AK5: variants seen among roughly 807,000 people sequenced by gnomAD.
The protein encoded by AK5 is adenylate kinase 5.
A neutral mutation model predicts 69.5 loss-of-function variants in AK5; 27 were observed. The ratio of observed to expected loss-of-function variants is 0.39; its 90% CI spans 0.29 to 0.54. The LOEUF is 0.54. Among genes scored for constraint, AK5 ranks in the 20% least tolerant of loss-of-function variants. The pLI, the probability that AK5 is intolerant of heterozygous loss-of-function variation, is 0.71. For missense variants in AK5, 531 were observed against 700.4 expected, an observed-to-expected ratio of 0.76 and a Z score of 2.73; for synonymous variants, 260 against 244.4, an observed-to-expected ratio of 1.06 and a Z score of -0.60.
chr1:77,292,657 G>A (rs1023092700), intron 2 of AK5, among the ~76,000 whole-genome samples: 4 of 152,146 alleles, frequency 2.6e-5, no homozygotes, highest in African/African-American at 9.7e-5. Flanking sequence ...GTTTGGACTT[G>A]CCAGCCCTGT....
chr1:77,378,510 G>A (rs1009710837), intron 6 of AK5, among the ~76,000 whole-genome samples: 29 of 152,112 alleles, frequency 1.9e-4, no homozygotes, highest in Admixed American at 1.9e-3. Flanking sequence ...AGAAGAGATA[G>A]GGTTTCACCC....
Position 77,444,228 on chromosome 1 carries a change from ATATATAG to A in AK5, c.1059+26520_1059+26526del, listed in dbSNP as rs1481009533. On this transcript the variant is annotated intron_variant, in intron 8 of 13. Transcript: ENST00000354567. ...ATATATATATACCACTTATGTATAT[ATATATAG>A]TATATATATACACAACATATGTGTA... is the stretch of plus-strand genomic sequence containing the variant. 2.3e-4 allele frequency among the ~76,000 whole-genome samples: 21 copies of A among 92,988 alleles called. No individual in the cohort carries two copies. In the South Asian group the frequency reaches 6.2e-3, roughly 27 times the overall value. 61.0% of individuals were successfully genotyped at this position (92,988 alleles called of 152,430 possible). A position where few individuals can be genotyped will look rare whatever the true frequency, so the allele number is the denominator to read the frequency against.
Position 77,293,838 on chromosome 1 carries a change from T to A in AK5, c.293T>A (p.Leu98His). The change falls in exon 3 of 14, where the codon CTC becomes CAC. Residue 98 changes from leucine (L) to histidine (H), a missense_variant. Transcript: ENST00000354567. ...TTTCCATATCGGCGGTATGACCGGCTCCCTCCAATCCATCAATTCTCCATA... is the reference window on the plus strand; with the variant it reads ...TTTCCATATCGGCGGTATGACCGGCACCCTCCAATCCATCAATTCTCCATA... ...SNFPYRRYDR[L>H]PPIHQFSIES... is the part of the protein sequence containing the mutation. 1 of 1,612,482 alleles carries A rather than the reference T, an allele frequency of 6.2e-7. No individual in the cohort carries two copies. Among genetic ancestry groups the A allele is most frequent in the Non-Finnish European group, 8.5e-7 (1 of 1,179,516 alleles).
At chr1:77,452,828 T>C (rs1054607045) in intron 8 of AK5, among the ~76,000 whole-genome samples, 4 of 152,144 alleles carry the variant, frequency 2.6e-5, no homozygotes, top group Non-Finnish European at 4.4e-5. Flanking sequence ...ACACATGCTT[T>C]CTTAAATACC....
chr1:77,407,938 C>T (rs1305668529), intron 6 of AK5, among the ~76,000 whole-genome samples: 1 of 152,110 alleles, frequency 6.6e-6, no homozygotes, highest in African/African-American at 2.4e-5. Flanking sequence ...CAGATGCTTC[C>T]ATGTTGCTGC....
chr1:77,491,074 G>T (rs1247889149), intron 10 of AK5, among the ~76,000 whole-genome samples: 2 of 152,030 alleles, frequency 1.3e-5, no homozygotes, highest in African/African-American at 4.8e-5. Context: ...TGGCATTGAT[G>T]CTGTGATAAA....
At chr1:77,382,860 T>C (rs959492421) in intron 6 of AK5, among the ~76,000 whole-genome samples, 1 of 152,214 alleles carries the variant, frequency 6.6e-6, no homozygotes, top group African/African-American at 2.4e-5. Flanking sequence ...TCATCCAGAA[T>C]CACAGTATTC....
chr1:77,351,762 G>C (rs1465970416), intron 6 of AK5, among the ~76,000 whole-genome samples: 1 of 152,098 alleles, frequency 6.6e-6, no homozygotes, highest in Non-Finnish European at 1.5e-5. Context: ...CTTCAGGGGA[G>C]GCTGCAAAAC....
intron 10 of AK5, among the ~76,000 whole-genome samples, chr1:77,500,649 G>A (rs1341300611): frequency 6.6e-6 from 1 of 152,116 alleles, no homozygotes; most frequent in East Asian, 1.9e-4. Context: ...GCCAGGTGTG[G>A]TGGGTGCCTA....
intron 5 of AK5, among the ~76,000 whole-genome samples, chr1:77,312,241 T>C (rs995232274): frequency 6.6e-6 from 1 of 152,126 alleles, no homozygotes; most frequent in Non-Finnish European, 1.5e-5. Flanking sequence ...TCTAGGTACA[T>C]GGATATGGGT....
rs1455070931 is a variant in AK5, at chr1:77,318,178, A to C, written c.699+20231A>C. Among the ~76,000 whole-genome samples, 3 of 152,308 alleles carry C rather than the reference A, an allele frequency of 2.0e-5. No homozygotes were observed. In the East Asian group the frequency reaches 5.8e-4, roughly 29 times the overall value. On this transcript the variant is annotated intron_variant, in intron 5 of 13. Transcript: ENST00000354567. The stretch of plus-strand genomic sequence containing the variant: ...CAGTTCCACAGGCTGTACAGGAAGC[A>C]TGGCAGCATCTGCTTGGTGTCAATC...
intron 6 of AK5, among the ~76,000 whole-genome samples, chr1:77,358,359 T>G (rs1294214648): frequency 6.6e-6 from 1 of 152,200 alleles, no homozygotes; most frequent in East Asian, 1.9e-4. Flanking sequence ...TTCACAGAGT[T>G]GGCATGAGGT....
intron 6 of AK5, among the ~76,000 whole-genome samples, chr1:77,407,419 A>T (rs1312111046): frequency 6.6e-6 from 1 of 152,200 alleles, no homozygotes; most frequent in African/African-American, 2.4e-5. Context: ...ATACGGTATT[A>T]TTCATTTTAT....
intron 13 of AK5, among the ~76,000 whole-genome samples, chr1:77,554,131 A>G (rs1359103799): frequency 6.6e-6 from 1 of 151,724 alleles, no homozygotes; most frequent in South Asian, 2.1e-4. Context: ...ATTCCAACCT[A>G]TTTTTCCAGC....
chr1:77,520,133 G>A (rs910084125), intron 11 of AK5, among the ~76,000 whole-genome samples: 1 of 149,486 alleles, frequency 6.7e-6, no homozygotes, highest in African/African-American at 2.5e-5. Context: ...AACCTGGGAG[G>A]CAGAGGTTGC....
chr1:77,395,650 A>G (rs1648777555), intron 6 of AK5, among the ~76,000 whole-genome samples: 1 of 152,206 alleles, frequency 6.6e-6, no homozygotes, highest in Admixed American at 6.5e-5. Context: ...AGCATCTCTC[A>G]TTGCAAATGT....
At chr1:77,340,225 G>A (rs1046281913) in intron 5 of AK5, 152 bp from the exon 6 acceptor site, 15 of 674,630 alleles carry the variant, frequency 2.2e-5, no homozygotes, top group East Asian at 5.3e-5. Context: ...CCTGGCCTTG[G>A]GTAGAGCAGC....
intron 6 of AK5, among the ~76,000 whole-genome samples, chr1:77,376,627 G>T (rs1291867103): frequency 2.0e-5 from 3 of 151,882 alleles, no homozygotes; most frequent in African/African-American, 7.3e-5. Flanking sequence ...AAAGTAAAAG[G>T]GATATGGATG....
intron 10 of AK5, among the ~76,000 whole-genome samples, chr1:77,491,098 G>C (rs1655963523): frequency 6.6e-6 from 1 of 152,020 alleles, no homozygotes; most frequent in Non-Finnish European, 1.5e-5. Context: ...TTTTTAAGTA[G>C]TGAACTTTGG....
Sources: gnomAD v4.1 joint callset for allele counts (sites outside exome capture counted in the v4.1 genomes callset) on GRCh38, gnomAD v4.1.1 for gene constraint, MANE v1.5 for transcripts, NCBI Gene and HGNC (gene_info 2026-07-23, HGNC 2026-07-21) for gene names.